Variants in MTUS2 observed in about 807,000 individuals in gnomAD.
MTUS2 encodes the protein microtubule associated scaffold protein 2.
In MTUS2, 40 loss-of-function variants were observed where a neutral mutation model predicts 114.1. The observed-to-expected ratio is 0.35, with a 90% CI of 0.27 to 0.46. The LOEUF is 0.46. Ranked by LOEUF, MTUS2 falls within the 20% of genes least tolerant of loss-of-function variation. The pLI is 1.00. For synonymous variants in MTUS2, 688 were observed against 672.0 expected (o/e 1.02, Z -0.37); for missense variants, 1,679 against 1,705.4 (o/e 0.98, Z 0.27).
chr13:29,098,413 A>T (rs552368971), intron 4 of MTUS2, among the ~76,000 whole-genome samples: 56 of 152,152 alleles, frequency 3.7e-4, no homozygotes, highest in African/African-American at 1.3e-3. Flanking sequence ...ATGCGCAGAG[A>T]GTTGGGGCAA....
At chr13:29,402,924 A>C (rs1459376144) in intron 8 of MTUS2, among the ~76,000 whole-genome samples, 1 of 152,102 alleles carries the variant, frequency 6.6e-6, no homozygotes, top group Admixed American at 6.6e-5. Context: ...TTTAGTAGAG[A>C]TGAGGTTTCA....
At position 29,238,576 on chromosome 13, in the gene MTUS2, A is replaced by C. The variant is rs1593206077; in HGVS notation, c.2645-43128A>C. On this transcript the variant is annotated intron_variant, in intron 5 of 15. Coordinates refer to ENST00000612955, the MANE Select transcript of MTUS2 (RefSeq NM_001033602.4). ...AGCATACAGCATAGGAGAAAGATGA[A>C]GGCTGGAAGACTGAGCAAGTCTGCT... Among the ~76,000 whole-genome samples, 2 of 152,348 alleles carry C rather than the reference A, an allele frequency of 1.3e-5. 1 individual carries two copies. Among genetic ancestry groups the C allele is most frequent in the East Asian group, 3.9e-4 (2 of 5,182 alleles).
At chr13:29,068,807 A>C (rs922210904) in intron 4 of MTUS2, among the ~76,000 whole-genome samples, 1 of 152,210 alleles carries the variant, frequency 6.6e-6, no homozygotes, top group Admixed American at 6.5e-5. Flanking sequence ...GAAAGATGAG[A>C]AAAGGGACTG....
At chr13:29,295,483 A>G (rs1898900676) in intron 6 of MTUS2, among the ~76,000 whole-genome samples, 1 of 152,050 alleles carries the variant, frequency 6.6e-6, no homozygotes, top group African/African-American at 2.4e-5. Context: ...TATGAGATCA[A>G]CCTTTTTAGC....
intron 5 of MTUS2, among the ~76,000 whole-genome samples, chr13:29,275,928 T>C (rs975987808): frequency 1.3e-5 from 2 of 152,252 alleles, no homozygotes; most frequent in African/African-American, 4.8e-5. Context: ...GTTTGAGCTT[T>C]AGGTGTCACA....
At chr13:29,076,555 A>T (rs1475108823) in intron 4 of MTUS2, among the ~76,000 whole-genome samples, 3 of 152,134 alleles carry the variant, frequency 2.0e-5, no homozygotes, top group Admixed American at 6.5e-5. Flanking sequence ...AGATGAAGTG[A>T]TTACTCACAT....
intron 9 of MTUS2, among the ~76,000 whole-genome samples, chr13:29,449,363 G>T (rs1290429917): frequency 3.3e-5 from 5 of 152,084 alleles, no homozygotes; most frequent in Admixed American, 1.3e-4. Flanking sequence ...ACAGTGGAAG[G>T]TATTTGTGAG....
chr13:28,846,794 A>T (rs915435470), intron 2 of MTUS2, among the ~76,000 whole-genome samples: 7 of 152,248 alleles, frequency 4.6e-5, no homozygotes, highest in Admixed American at 3.9e-4. Flanking sequence ...TTGATAGTCT[A>T]TGAAACTCAC....
intron 8 of MTUS2, among the ~76,000 whole-genome samples, chr13:29,437,011 C>T (rs1041798623): frequency 3.3e-5 from 5 of 152,176 alleles, no homozygotes; most frequent in Non-Finnish European, 5.9e-5. Flanking sequence ...GCCTGTCCCT[C>T]TCATAGGGCC....
intron 1 of MTUS2, among the ~76,000 whole-genome samples, chr13:28,830,415 T>C (rs1566163281): frequency 6.6e-6 from 1 of 152,032 alleles, no homozygotes; most frequent in Non-Finnish European, 1.5e-5. Flanking sequence ...AGAAAAATGA[T>C]GTCTCTTCAA....
chr13:29,271,690 C>T (rs1047790316), intron 5 of MTUS2, among the ~76,000 whole-genome samples: 11 of 152,202 alleles, frequency 7.2e-5, no homozygotes, highest in African/African-American at 2.7e-4. Flanking sequence ...ATAACAATAA[C>T]ATCAGCCAGC....
chr13:29,067,137 A>G (rs1368911032), intron 4 of MTUS2, among the ~76,000 whole-genome samples: 1 of 152,200 alleles, frequency 6.6e-6, no homozygotes, highest in African/African-American at 2.4e-5. Flanking sequence ...AATTTCCAAA[A>G]TGCTGAAATT....
At chr13:28,965,461 C>G (rs975046981) in intron 2 of MTUS2, among the ~76,000 whole-genome samples, 1 of 152,156 alleles carries the variant, frequency 6.6e-6, no homozygotes, top group African/African-American at 2.4e-5. Context: ...AGAGAACTGC[C>G]TGGAAGCCTC....
chr13:29,076,902 G>A (rs934584882), intron 4 of MTUS2, among the ~76,000 whole-genome samples: 1 of 152,180 alleles, frequency 6.6e-6, no homozygotes, highest in African/African-American at 2.4e-5. Context: ...TGGCATTAAT[G>A]ATAGCAGCAA....
intron 2 of MTUS2, among the ~76,000 whole-genome samples, chr13:28,927,428 T>C (rs2138075111): frequency 6.6e-6 from 1 of 152,080 alleles, no homozygotes; most frequent in Admixed American, 6.6e-5. Flanking sequence ...TAGTCAGGCA[T>C]AGTGGCATGC....
chr13:29,470,344 C>T (rs185989189), intron 9 of MTUS2, among the ~76,000 whole-genome samples: 260 of 152,308 alleles, frequency 1.7e-3, no homozygotes, highest in African/African-American at 6.0e-3. Context: ...CATCCAGAAA[C>T]GCCCTTCCTG....
At chr13:29,232,883 A>G (rs1896388708) in intron 5 of MTUS2, among the ~76,000 whole-genome samples, 1 of 152,224 alleles carries the variant, frequency 6.6e-6, no homozygotes, top group African/African-American at 2.4e-5. Context: ...CATTCCTCAC[A>G]AGATTTAAAG....
At chr13:28,839,004 T>TA (rs34329350) in intron 1 of MTUS2, among the ~76,000 whole-genome samples, 75 of 40,724 alleles carry the variant, frequency 1.8e-3, no homozygotes, top group African/African-American at 5.6e-3. Context: ...CAATCCTGAT[T>TA]TTTTTTTTTG....
At chr13:29,416,247 C>T (rs1875656082) in intron 8 of MTUS2, among the ~76,000 whole-genome samples, 1 of 151,850 alleles carries the variant, frequency 6.6e-6, no homozygotes, top group Admixed American at 6.6e-5. Flanking sequence ...TTAATTGTAT[C>T]TTCAACTCCC....
Sources: gnomAD v4.1 joint callset for allele counts (sites outside exome capture counted in the v4.1 genomes callset) on GRCh38, gnomAD v4.1.1 for gene constraint, MANE v1.5 for transcripts, NCBI Gene and HGNC (gene_info 2026-07-23, HGNC 2026-07-21) for gene names.